Variants in GRID2 observed in about 807,000 individuals in gnomAD.
The protein encoded by GRID2 is glutamate receptor ionotropic, delta-2.
GRID2 carries 33 observed loss-of-function variants against 114.8 expected under a neutral mutation model. The observed-to-expected ratio is 0.29, with a 90% CI of 0.22 to 0.38. The LOEUF (loss-of-function observed/expected upper bound fraction) is 0.38, where lower values mean the gene tolerates loss of function less well. Ranked by LOEUF, GRID2 falls within the 10% of genes least tolerant of loss-of-function variation. The pLI is 1.00. For synonymous variants in GRID2, 505 were observed against 449.9 expected, an observed-to-expected ratio of 1.12 and a Z score of -1.55; for missense variants, 1,184 against 1,257.7, an observed-to-expected ratio of 0.94 and a Z score of 0.89.
intron 14 of GRID2, among the ~76,000 whole-genome samples, chr4:93,637,843 G>A (rs1721552562): frequency 6.6e-6 from 1 of 152,018 alleles, no homozygotes; most frequent in Admixed American, 6.6e-5. Flanking sequence ...TTTAATTGGT[G>A]GAATTCGTAA....
At chr4:92,537,226 C>T (rs574829254) in intron 1 of GRID2, among the ~76,000 whole-genome samples, 33 of 152,056 alleles carry the variant, frequency 2.2e-4, no homozygotes, top group Admixed American at 1.5e-3. Flanking sequence ...TGGTTATGAA[C>T]GTGAAATCTT....
At chr4:92,466,521 T>A (rs1418722652) in intron 1 of GRID2, among the ~76,000 whole-genome samples, 1 of 151,848 alleles carries the variant, frequency 6.6e-6, no homozygotes, top group African/African-American at 2.4e-5. Context: ...ACCCCATACA[T>A]ACATACACCT....
chr4:93,613,644 C>T (rs1741225244), intron 13 of GRID2, among the ~76,000 whole-genome samples: 1 of 128,726 alleles, frequency 7.8e-6, no homozygotes, highest in Non-Finnish European at 1.7e-5. Context: ...GGTCAGGGAC[C>T]CACTTGAGGA....
intron 4 of GRID2, among the ~76,000 whole-genome samples, chr4:93,180,795 G>A (rs965624212): frequency 6.6e-6 from 1 of 152,116 alleles, no homozygotes; most frequent in Admixed American, 6.6e-5. Context: ...TCATGAGATT[G>A]CAGGAATCCA....
intron 1 of GRID2, among the ~76,000 whole-genome samples, chr4:92,415,744 A>ATATATATATATT (rs1731578591): frequency 1.9e-5 from 1 of 53,602 alleles, no homozygotes; most frequent in Non-Finnish European, 3.3e-5. Context: ...ATGTGTGTAT[A>ATATATATATATT]TATATATATA....
At chr4:93,496,548 C>T (rs1485129525) in intron 12 of GRID2, among the ~76,000 whole-genome samples, 1 of 151,738 alleles carries the variant, frequency 6.6e-6, no homozygotes, top group Non-Finnish European at 1.5e-5. Flanking sequence ...CCTTACCAAC[C>T]CCAACCTCTG....
intron 2 of GRID2, among the ~76,000 whole-genome samples, chr4:93,017,618 C>G (rs1722875582): frequency 6.6e-6 from 1 of 151,370 alleles, no homozygotes; most frequent in African/African-American, 2.4e-5. Context: ...AGTTCGAGAC[C>G]AACACAATGA....
chr4:93,115,830 C>G (rs1017700143), intron 4 of GRID2, among the ~76,000 whole-genome samples: 8 of 152,086 alleles, frequency 5.3e-5, no homozygotes, highest in Non-Finnish European at 1.0e-4. Context: ...GGAAACTGCT[C>G]CCATGATTCA....
At chr4:93,634,537 G>A (rs1235179146) in intron 14 of GRID2, among the ~76,000 whole-genome samples, 3 of 152,110 alleles carry the variant, frequency 2.0e-5, no homozygotes, top group Non-Finnish European at 2.9e-5. Context: ...AGGAAACTGA[G>A]CCTCAGACTT....
At chr4:92,714,342 C>T (rs1735425046) in intron 2 of GRID2, among the ~76,000 whole-genome samples, 1 of 152,186 alleles carries the variant, frequency 6.6e-6, no homozygotes, top group Admixed American at 6.5e-5. Context: ...GGTACAGCCT[C>T]CCTCTCAGGT....
intron 2 of GRID2, among the ~76,000 whole-genome samples, chr4:92,687,285 A>G (rs1733953942): frequency 6.6e-6 from 1 of 151,850 alleles, no homozygotes; most frequent in Non-Finnish European, 1.5e-5. Flanking sequence ...CTCAATGAAG[A>G]TACTGTTGAC....
At chr4:92,882,973 TATA>T (rs886439771) in intron 2 of GRID2, among the ~76,000 whole-genome samples, 5 of 152,180 alleles carry the variant, frequency 3.3e-5, no homozygotes, top group Non-Finnish European at 7.4e-5. Flanking sequence ...GGCAATTTCT[TATA>T]ATAAGACAAC....
intron 1 of GRID2, among the ~76,000 whole-genome samples, chr4:92,305,258 G>A (rs886271226): frequency 6.6e-6 from 1 of 152,132 alleles, no homozygotes; most frequent in African/African-American, 2.4e-5. Context: ...TTAGTGCGAT[G>A]GTGACGGGGG....
At chr4:92,410,565 A>G (rs1226648614) in intron 1 of GRID2, among the ~76,000 whole-genome samples, 1 of 152,168 alleles carries the variant, frequency 6.6e-6, no homozygotes, top group African/African-American at 2.4e-5. Context: ...TACAGTTTTC[A>G]TACAGAAGCA....
chr4:93,724,543 G>C (rs907854267), intron 14 of GRID2, among the ~76,000 whole-genome samples: 1 of 152,082 alleles, frequency 6.6e-6, no homozygotes, highest in African/African-American at 2.4e-5. Context: ...CAAATTACAT[G>C]TAATTTCTCT....
At chr4:93,157,867 C>A (rs772868497) in intron 4 of GRID2, among the ~76,000 whole-genome samples, 1 of 151,718 alleles carries the variant, frequency 6.6e-6, no homozygotes, top group African/African-American at 2.4e-5. Flanking sequence ...TTATACGTAT[C>A]TTCTTTGCTT....
intron 2 of GRID2, among the ~76,000 whole-genome samples, chr4:92,598,554 A>G (rs896949221): frequency 5.3e-5 from 8 of 152,268 alleles, no homozygotes; most frequent in Admixed American, 5.2e-4. Flanking sequence ...TATTAAGTTC[A>G]TAGCCCATGG....
At chr4:93,055,081 T>G (rs1228689807) in intron 2 of GRID2, among the ~76,000 whole-genome samples, 1 of 151,932 alleles carries the variant, frequency 6.6e-6, no homozygotes, top group Non-Finnish European at 1.5e-5. Context: ...TTCTTATGGT[T>G]TGATATGTTA....
intron 13 of GRID2, among the ~76,000 whole-genome samples, chr4:93,588,249 A>G (rs987172686): frequency 2.0e-5 from 3 of 152,182 alleles, no homozygotes; most frequent in Non-Finnish European, 2.9e-5. Context: ...GGAGAGACAG[A>G]CATTATTTTT....
Sources: allele counts gnomAD v4.1 joint callset (sites outside exome capture counted in the v4.1 genomes callset), GRCh38; gene constraint gnomAD v4.1.1; transcripts MANE v1.5; gene names NCBI Gene and HGNC (gene_info 2026-07-23, HGNC 2026-07-21).